Variants in GPHN observed in about 807,000 individuals in gnomAD.
GPHN encodes the protein gephyrin.
A neutral mutation model predicts 95.5 loss-of-function variants in GPHN; 17 were observed. That is an observed-to-expected ratio of 0.18 (90% CI 0.12 to 0.27). The LOEUF (loss-of-function observed/expected upper bound fraction) is 0.27, where lower values mean the gene tolerates loss of function less well. Among genes scored for constraint, GPHN ranks in the 10% least tolerant of loss-of-function variants. The pLI is 1.00. For synonymous variants in GPHN, 320 were observed against 322.5 expected, an observed-to-expected ratio of 0.99 and a Z score of 0.08; for missense variants, 660 against 978.1, an observed-to-expected ratio of 0.67 and a Z score of 4.34.
intron 1 of GPHN, among the ~76,000 whole-genome samples, chr14:66,566,740 A>G (rs960801604): frequency 2.0e-5 from 3 of 152,124 alleles, no homozygotes; most frequent in African/African-American, 7.2e-5. Context: ...GTTTATTTAC[A>G]CCTAAATATT....
At chr14:67,519,894 T>C in the GPHN span, among the ~76,000 whole-genome samples, 2 of 152,104 alleles carry the variant, frequency 1.3e-5, no homozygotes, top group Non-Finnish European at 2.9e-5. Flanking sequence ...GGCTAATTCT[T>C]TTATTTTTTG....
chr14:66,645,405 G>A (rs1229413203), intron 1 of GPHN, among the ~76,000 whole-genome samples: 1 of 151,826 alleles, frequency 6.6e-6, no homozygotes, highest in Non-Finnish European at 1.5e-5. Flanking sequence ...TAAAAATTTG[G>A]GCCAGGTGCT....
intron 4 of GPHN, among the ~76,000 whole-genome samples, chr14:66,859,448 A>G (rs1247867505): frequency 3.3e-5 from 5 of 152,222 alleles, no homozygotes. Flanking sequence ...CTATAGCATT[A>G]CTGGGCTTGG....
chr14:67,575,900 T>C, the GPHN span: 6 of 1,613,988 alleles, frequency 3.7e-6, no homozygotes, highest in South Asian at 6.6e-5. Flanking sequence ...ACGAGGACTA[T>C]GAGGCTGGAG....
At chr14:66,757,650 A>G (rs2058612947) in intron 2 of GPHN, among the ~76,000 whole-genome samples, 1 of 152,172 alleles carries the variant, frequency 6.6e-6, no homozygotes, top group Admixed American at 6.5e-5. Flanking sequence ...TCAGCCTCCC[A>G]AAGTGTTGGG....
the GPHN span, among the ~76,000 whole-genome samples, chr14:67,330,152 A>AT: frequency 2.8e-4 from 29 of 102,330 alleles, no homozygotes; most frequent in African/African-American, 6.4e-4. Context: ...AATAATAATA[A>AT]TAATTATTAT....
intron 13 of GPHN, among the ~76,000 whole-genome samples, chr14:67,103,487 C>T (rs889241062): frequency 2.8e-5 from 4 of 143,790 alleles, no homozygotes; most frequent in African/African-American, 7.7e-5. Flanking sequence ...TCCAACCCAA[C>T]GACATGGGAT....
At chr14:67,169,191 G>A (rs946843577) in intron 21 of GPHN, 155 bp downstream of exon 21, 5 of 655,406 alleles carry the variant, frequency 7.6e-6, no homozygotes, top group African/African-American at 1.8e-5. Flanking sequence ...AAATGTAGGA[G>A]AAAGGGTCCC....
At chr14:66,581,397 T>G (rs771960901) in intron 1 of GPHN, among the ~76,000 whole-genome samples, 1 of 151,806 alleles carries the variant, frequency 6.6e-6, no homozygotes, top group Non-Finnish European at 1.5e-5. Flanking sequence ...CGAAAAACTA[T>G]GCTAGATACA....
rs886792184 is a variant in GPHN, at chr14:67,000,576, A to G, written c.964-23057A>G. Among the ~76,000 whole-genome samples the G allele has an allele frequency of 2.6e-5, 4 of 151,590 alleles. No individual in the cohort carries two copies. The East Asian group carries it at 5.8e-4, about 22-fold the overall frequency. ...CATTCACATGTATTATTTTTATGCC[A>G]TTTGTATACTATAGTTAGAAAACTG... On this transcript the variant is annotated intron_variant, in intron 9 of 22. Coordinates refer to ENST00000478722, the MANE Select transcript of GPHN (RefSeq NM_020806.5).
chr14:67,516,548 C>T, the GPHN span, among the ~76,000 whole-genome samples: 1 of 152,198 alleles, frequency 6.6e-6, no homozygotes, highest in Non-Finnish European at 1.5e-5. Flanking sequence ...CTGCTCTTGC[C>T]CCATTCTGGG....
chr14:66,547,567 T>A (rs1015629783), intron 1 of GPHN, among the ~76,000 whole-genome samples: 1 of 152,216 alleles, frequency 6.6e-6, no homozygotes, highest in African/African-American at 2.4e-5. Context: ...TTATAAAGCT[T>A]TTTCTGTTGT....
At chr14:66,607,467 GT>G (rs1203134967) in intron 1 of GPHN, among the ~76,000 whole-genome samples, 1 of 151,038 alleles carries the variant, frequency 6.6e-6, no homozygotes, top group African/African-American at 2.4e-5. Flanking sequence ...CTTTTTTGTT[GT>G]GTCTTTGCCA....
At chr14:66,677,353 A>G (rs1347070732) in intron 1 of GPHN, among the ~76,000 whole-genome samples, 1 of 151,894 alleles carries the variant, frequency 6.6e-6, no homozygotes, top group Non-Finnish European at 1.5e-5. Context: ...GCTTTGTCAG[A>G]TTGATTAAGT....
chr14:67,524,710 C>T, the GPHN span, among the ~76,000 whole-genome samples: 292 of 152,266 alleles, frequency 1.9e-3, no homozygotes, highest in Non-Finnish European at 1.6e-3. Flanking sequence ...CTTGGACAAC[C>T]GCCAAACCAC....
chr14:67,442,079 T>C, the GPHN span: 1 of 152,552 alleles, frequency 6.6e-6, no homozygotes, highest in African/African-American at 2.4e-5. Flanking sequence ...AATGAATACA[T>C]ACAAATGAAT....
the GPHN span, chr14:67,316,685 G>T: frequency 1.8e-6 from 1 of 540,574 alleles, no homozygotes. Context: ...ACACATCATA[G>T]CTGACATTAC....
chr14:66,652,762 A>G (rs577873764), intron 1 of GPHN, among the ~76,000 whole-genome samples: 1 of 152,226 alleles, frequency 6.6e-6, no homozygotes, highest in African/African-American at 2.4e-5. Context: ...GTTGGCAGAG[A>G]GAGAAGCATA....
At chr14:67,286,830 G>A in the GPHN span, among the ~76,000 whole-genome samples, 2 of 145,482 alleles carry the variant, frequency 1.4e-5, no homozygotes, top group East Asian at 2.1e-4. Context: ...GCACTCCAGC[G>A]TGGTGACAGA....
Sources: allele counts gnomAD v4.1 joint callset (sites outside exome capture counted in the v4.1 genomes callset), GRCh38; gene constraint gnomAD v4.1.1; transcripts MANE v1.5; gene names NCBI Gene and HGNC (gene_info 2026-07-23, HGNC 2026-07-21).